Variants in PAWR observed in about 807,000 individuals in gnomAD.
The protein encoded by PAWR is pro-apoptotic WT1 regulator.
PAWR carries 23 observed loss-of-function variants against 32.0 expected under a neutral mutation model. That is an observed-to-expected ratio of 0.72 (90% CI 0.52 to 1.02). The LOEUF is 1.02. Ranked by LOEUF, PAWR falls within the 50% of genes least tolerant of loss-of-function variation. The pLI is 0.00. For synonymous variants in PAWR, 226 were observed against 187.1 expected (o/e 1.21, Z -1.70); for missense variants, 457 against 437.7 (o/e 1.04, Z -0.39).
At chr12:79,677,364 A>G (rs1337409747) in intron 2 of PAWR, among the ~76,000 whole-genome samples, 2 of 152,212 alleles carry the variant, frequency 1.3e-5, no homozygotes, top group Non-Finnish European at 2.9e-5. Flanking sequence ...TACTAGTATC[A>G]CTGGATAGTC....
In PAWR at chr12:79,586,129, C is replaced by T. The variant is rs1306148780; in HGVS notation, c.*6478G>A. 2.0e-5 allele frequency: 3 copies of T among 152,144 alleles called. No homozygotes were observed. The highest frequency in any genetic ancestry group is 7.2e-5 in the African/African-American group (3 of 41,418). The allele number at this position is 152,144 out of a possible 1,614,324, so 9.4% of individuals were successfully genotyped here. ...TAATGATGTTGTTTATTGTCCTAAGCCATCCATACACAAAACGTTTAATGT... is the reference window on the plus strand; with the variant it reads ...TAATGATGTTGTTTATTGTCCTAAGTCATCCATACACAAAACGTTTAATGT... On this transcript the variant is annotated 3_prime_UTR_variant, in exon 7 of 7. Coordinates refer to ENST00000328827, the MANE Select transcript of PAWR (RefSeq NM_002583.4).
chr12:79,604,113 C>G (rs989877460), intron 4 of PAWR: 2 of 332,898 alleles, frequency 6.0e-6, no homozygotes, highest in African/African-American at 4.5e-5. Context: ...GCCATTTAAC[C>G]TATTTTGAAA....
At position 79,689,837 on chromosome 12, in the gene PAWR, C is replaced by T. The variant is rs1878888002; in HGVS notation, c.408G>A (p.Lys136=). 1.3e-6 allele frequency: 2 copies of T among 1,592,082 alleles called. No individual in the cohort carries two copies. The highest frequency in any genetic ancestry group is 1.7e-6 in the Non-Finnish European group (2 of 1,170,508). Residue 136 remains lysine, a synonymous_variant, in exon 2 of 7, where the codon AAG becomes AAA. Transcript: ENST00000328827. ...DEEEPDGVPE[K]GKSSGPSARK... is the part of the protein sequence containing the mutation. ...TGGCACTGGGGCCCGAGCTCTTGCC[C>T]TTCTCTGGGACGCCGTCCGGCTCCT...
intron 2 of PAWR, among the ~76,000 whole-genome samples, chr12:79,667,690 G>A (rs1240487166): frequency 6.6e-6 from 1 of 152,042 alleles, no homozygotes; most frequent in Non-Finnish European, 1.5e-5. Context: ...ATAGTGGAAT[G>A]GAGTAATCTT....
intron 2 of PAWR, among the ~76,000 whole-genome samples, chr12:79,666,987 C>T (rs1419183889): frequency 6.6e-6 from 1 of 152,186 alleles, no homozygotes; most frequent in Non-Finnish European, 1.5e-5. Context: ...GGCAAACCTG[C>T]CTCTGACCTA....
intron 2 of PAWR, chr12:79,668,537 G>C: frequency 6.6e-6 from 1 of 152,266 alleles, no homozygotes; most frequent in East Asian, 1.9e-4. Context: ...GGATAATGGG[G>C]AGGATGGTTT....
In PAWR at chr12:79,632,605, A is replaced by G. The variant is rs1198095063; in HGVS notation, c.517-11398T>C. Among the ~76,000 whole-genome samples the G allele has an allele frequency of 3.3e-5, 5 of 151,268 alleles. No homozygotes were observed. The East Asian group carries it at 9.8e-4, about 30-fold the overall frequency. ...GACTAGTCTTGAACTCCTGGGCTCAAGTGATCACCTGCCTCAGTCTCACAA... is the reference window on the plus strand; with the variant it reads ...GACTAGTCTTGAACTCCTGGGCTCAGGTGATCACCTGCCTCAGTCTCACAA... On this transcript the variant is annotated intron_variant, in intron 2 of 6. Transcript: ENST00000328827.
At chr12:79,657,420 T>TAA (rs34575494) in intron 2 of PAWR, among the ~76,000 whole-genome samples, 2 of 142,638 alleles carry the variant, frequency 1.4e-5, no homozygotes, top group African/African-American at 5.1e-5. Flanking sequence ...TCAATATATT[T>TAA]AAAAAAAAAA....
At chr12:79,630,249 A>G (rs1183238025) in intron 2 of PAWR, among the ~76,000 whole-genome samples, 1 of 151,976 alleles carries the variant, frequency 6.6e-6, no homozygotes, top group Non-Finnish European at 1.5e-5. Flanking sequence ...AATAAATGAT[A>G]TTCTATGATA....
At chr12:79,603,665 C>CTTTT (rs1592493827) in intron 4 of PAWR, 1 of 141,452 alleles carries the variant, frequency 7.1e-6, no homozygotes, top group Non-Finnish European at 1.5e-5. Context: ...CATCATTATG[C>CTTTT]TATTTTTTTT....
At chr12:79,634,967 C>G (rs1349247198) in intron 2 of PAWR, among the ~76,000 whole-genome samples, 3 of 152,052 alleles carry the variant, frequency 2.0e-5, no homozygotes, top group Non-Finnish European at 4.4e-5. Context: ...ACAGCAGACC[C>G]AGCTTCCCCA....
At chr12:79,677,180 G>A (rs1268084001) in intron 2 of PAWR, among the ~76,000 whole-genome samples, 3 of 152,064 alleles carry the variant, frequency 2.0e-5, no homozygotes, top group African/African-American at 7.2e-5. Context: ...TAGCTATACC[G>A]GAACATCCAA....
chr12:79,604,671 C>G, intron 4 of PAWR: 1 of 1,288,688 alleles, frequency 7.8e-7, no homozygotes, highest in Non-Finnish European at 1.0e-6. Flanking sequence ...CCCTCCAACA[C>G]TCCCACTCCT....
intron 4 of PAWR, chr12:79,604,496 A>G: frequency 8.8e-7 from 1 of 1,130,438 alleles, no homozygotes; most frequent in Non-Finnish European, 1.1e-6. Flanking sequence ...AGACATTATA[A>G]AGCTTAGCAA....
At chr12:79,656,980 GA>G (rs144122976) in intron 2 of PAWR, among the ~76,000 whole-genome samples, 1 of 151,748 alleles carries the variant, frequency 6.6e-6, no homozygotes, top group Non-Finnish European at 1.5e-5. Context: ...TTCTGAAGAG[GA>G]AAAAAACAGC....
intron 2 of PAWR, among the ~76,000 whole-genome samples, chr12:79,624,701 C>G (rs1375324066): frequency 6.6e-6 from 1 of 152,000 alleles, no homozygotes; most frequent in East Asian, 1.9e-4. Flanking sequence ...AAGAAGTTGG[C>G]GGAAATCATG....
chr12:79,672,842 T>C (rs1394251499), intron 2 of PAWR, among the ~76,000 whole-genome samples: 2 of 152,172 alleles, frequency 1.3e-5, no homozygotes, highest in African/African-American at 2.4e-5. Context: ...ATTTCATTTA[T>C]ATTTCTATTA....
chr12:79,682,469 TAAAA>T (rs1878492326), intron 2 of PAWR, among the ~76,000 whole-genome samples: 1 of 152,190 alleles, frequency 6.6e-6, no homozygotes, highest in Admixed American at 6.5e-5. Flanking sequence ...TTCAACTACT[TAAAA>T]TAAATGAGAC....
At chr12:79,650,597 C>T (rs1187935301) in intron 2 of PAWR, among the ~76,000 whole-genome samples, 2 of 151,422 alleles carry the variant, frequency 1.3e-5, no homozygotes, top group Non-Finnish European at 2.9e-5. Context: ...GCTTTGTGGA[C>T]CATAGGTCTC....
Sources: allele counts gnomAD v4.1 joint callset (sites outside exome capture counted in the v4.1 genomes callset), GRCh38; gene constraint gnomAD v4.1.1; transcripts MANE v1.5; gene names NCBI Gene and HGNC (gene_info 2026-07-23, HGNC 2026-07-21).